Variants in MGRN1 observed in about 807,000 individuals in gnomAD.
MGRN1 encodes the protein E3 ubiquitin-protein ligase MGRN1.
Under a neutral mutation model 69.2 loss-of-function variants are expected in MGRN1, and 29 were observed. The ratio of observed to expected loss-of-function variants is 0.42; its 90% CI spans 0.31 to 0.57. MGRN1 has a LOEUF of 0.57. MGRN1 is among the 20% of genes least tolerant of loss of function. The pLI, the probability that MGRN1 is intolerant of heterozygous loss-of-function variation, is 0.15. For missense variants in MGRN1, 998 were observed against 796.2 expected (o/e 1.25, Z -3.05); for synonymous variants, 470 against 344.2 (o/e 1.37, Z -4.04).
At chr16:4,638,679 C>G (rs1255202134) in intron 1 of MGRN1, among the ~76,000 whole-genome samples, 1 of 152,220 alleles carries the variant, frequency 6.6e-6, no homozygotes, top group Admixed American at 6.5e-5. Flanking sequence ...TTGTGCAGGT[C>G]TGGCCCACCT....
At chr16:4,655,383 G>A (rs2078511341) in intron 4 of MGRN1, among the ~76,000 whole-genome samples, 2 of 152,230 alleles carry the variant, frequency 1.3e-5, no homozygotes, top group Admixed American at 6.5e-5. Context: ...GACCCCTGCG[G>A]GCTAGTGATG....
In MGRN1 at chr16:4,635,763, T is replaced by G. The variant is rs1454059112; in HGVS notation, c.88+10715T>G. Among the ~76,000 whole-genome samples the G allele has an allele frequency of 2.6e-5, 4 of 151,516 alleles. No homozygotes were observed. The East Asian group carries it at 7.8e-4, about 29-fold the overall frequency. On this transcript the variant is annotated intron_variant, in intron 1 of 16. Transcript: ENST00000262370. ...GACTCTCCCGCCAAAGCCTCCCGAG[T>G]AGCTGGGATTACAGGTGCCCACTAC...
In MGRN1 at chr16:4,665,083, GCC is replaced by G. The variant is rs2078771027; in HGVS notation, c.629-16_629-15del. 14 of 1,614,096 alleles carry G rather than the reference GCC, an allele frequency of 8.7e-6. No homozygotes were observed. The East Asian group carries it at 3.1e-4, about 36-fold the overall frequency. ...GGCAGGCCCCGACTCTGACTACTCT[GCC>G]CCTCTCTCCCCAGCAGTGGTGGAAG... On this transcript the variant is annotated splice_polypyrimidine_tract_variant and intron_variant, in intron 6 of 16. Transcript: ENST00000262370.
rs989499312 is a variant in MGRN1 at position 4,689,260 on chromosome 16, C to G, written c.*352C>G. 8.6e-6 allele frequency: 2 copies of G among 231,974 alleles called. No individual in the cohort carries two copies. Among genetic ancestry groups the G allele is most frequent in the South Asian group, 1.5e-4 (1 of 6,646 alleles). 14.4% of individuals were successfully genotyped at this position (231,974 alleles called of 1,614,324 possible). On this transcript the variant is annotated 3_prime_UTR_variant, in exon 17 of 17. Transcript: ENST00000262370. Reference sequence around the variant, plus strand: ...CTCCTGCAACAGTGCGGTCCCTGCCCGGAGAACTCAGGAGGCCTGCAGAAG... The same window carrying G: ...CTCCTGCAACAGTGCGGTCCCTGCCGGGAGAACTCAGGAGGCCTGCAGAAG...
At chr16:4,672,867 T>C (rs1050729810) in intron 9 of MGRN1, among the ~76,000 whole-genome samples, 1 of 152,252 alleles carries the variant, frequency 6.6e-6, no homozygotes, top group Non-Finnish European at 1.5e-5. Context: ...AGATGGAGTC[T>C]TGCTCTGTTG....
Position 4,664,545 on chromosome 16 carries a change from G to A in MGRN1, c.562-164G>A. ...GTTTTAACACACACATAAAAAAGGT[G>A]CCAAGCCTGGCATCCGCCTTCCCTG... On this transcript the variant is annotated intron_variant, in intron 5 of 16. Transcript: ENST00000262370. 4 of 670,280 alleles carry A rather than the reference G, an allele frequency of 6.0e-6. 1 individual carries two copies. The South Asian group carries it at 7.3e-5, about 12-fold the overall frequency. The allele number at this position is 670,280 out of a possible 1,614,324, so 41.5% of individuals were successfully genotyped here.
At chr16:4,632,358 G>A (rs1472775962) in intron 1 of MGRN1, among the ~76,000 whole-genome samples, 1 of 151,624 alleles carries the variant, frequency 6.6e-6, no homozygotes, top group African/African-American at 2.4e-5. Context: ...CAGCATACGA[G>A]TCACACTGAG....
At position 4,681,874 on chromosome 16, in the gene MGRN1, G is replaced by C. The variant is rs564653309; in HGVS notation, c.1358+98G>C. 369 of 1,235,690 alleles carry C rather than the reference G, an allele frequency of 3.0e-4. 1 individual carries two copies. The highest frequency in any genetic ancestry group is 2.8e-4 in the Non-Finnish European group (257 of 904,184). The allele number at this position is 1,235,690 out of a possible 1,614,324, so 76.5% of individuals were successfully genotyped here. On this transcript the variant is annotated intron_variant, in intron 13 of 16. Transcript: ENST00000262370. ...TTCAAATCAGTTTGTGATGTGTTCT[G>C]TGTGGCGATTCCCCAGAAGGACTCG...
At chr16:4,651,842 C>G in intron 2 of MGRN1, 121 bp from the exon 3 acceptor site, 2 of 859,722 alleles carry the variant, frequency 2.3e-6, no homozygotes, top group Non-Finnish European at 3.9e-6. Context: ...CAGTATAGCC[C>G]CTCCCATGGG....
In MGRN1 at chr16:4,682,806, C is replaced by G. The variant is rs538233282; in HGVS notation, c.1359-17C>G. 2.6e-6 allele frequency: 4 copies of G among 1,535,764 alleles called. No homozygotes were observed. The highest frequency in any genetic ancestry group is 1.8e-6 in the Non-Finnish European group (2 of 1,134,960). On this transcript the variant is annotated splice_polypyrimidine_tract_variant and intron_variant, in intron 13 of 16. Transcript: ENST00000262370. ...CGTTATCCTCTCACCCCTGCCCACC[C>G]TCTCCTCTGTCCCCAGCACCCTACG...
chr16:4,642,631 T>C (rs2078186373), intron 1 of MGRN1, among the ~76,000 whole-genome samples: 1 of 151,960 alleles, frequency 6.6e-6, no homozygotes, highest in Admixed American at 6.6e-5. Flanking sequence ...GCCCTAATTT[T>C]TGTATTTTTA....
chr16:4,644,798 C>G (rs1045710297), intron 1 of MGRN1, among the ~76,000 whole-genome samples: 1 of 152,118 alleles, frequency 6.6e-6, no homozygotes, highest in Non-Finnish European at 1.5e-5. Flanking sequence ...GTAAAATTCA[C>G]TTACCATGGG....
chr16:4,660,239 A>G (rs865975113), intron 5 of MGRN1, among the ~76,000 whole-genome samples: 1 of 152,218 alleles, frequency 6.6e-6, no homozygotes, highest in Admixed American at 6.5e-5. Context: ...CCAGTTCTGC[A>G]GCTCTGTGAG....
Position 4,680,122 on chromosome 16 carries a change from G to GT in MGRN1, c.1131+32dup, listed in dbSNP as rs754173932. On this transcript the variant is annotated intron_variant, in intron 12 of 16. Coordinates refer to ENST00000262370, the MANE Select transcript of MGRN1 (RefSeq NM_015246.4). Reference sequence around the variant, plus strand: ...AGTAAGTGTCTGGTCCTCCGGCTACGTTTTTTTGCCCCCGCCCTCATTTTT... The same window carrying GT: ...AGTAAGTGTCTGGTCCTCCGGCTACGTTTTTTTTGCCCCCGCCCTCATTTTT... The GT allele has an allele frequency of 6.8e-6, 11 of 1,610,684 alleles. No individual in the cohort carries two copies. In the African/African-American group the frequency reaches 8.0e-5, roughly 12 times the overall value.
chr16:4,642,340 C>T (rs2078177859), intron 1 of MGRN1, among the ~76,000 whole-genome samples: 1 of 151,906 alleles, frequency 6.6e-6, no homozygotes, highest in Non-Finnish European at 1.5e-5. Context: ...TTCTGTCACC[C>T]AGGCTGGAGT....
chr16:4,664,703 C>A lies in MGRN1; in HGVS notation c.562-6C>A, dbSNP rs772271583. ...TCCTGACCATTCTTGGCAACTCTCT[C>A]CTCAGCTGAACTTTGACCTGGACCG... is the stretch of plus-strand genomic sequence containing the variant. On this transcript the variant is annotated splice_region_variant and splice_polypyrimidine_tract_variant and intron_variant, in intron 5 of 16. Transcript: ENST00000262370. The A allele has an allele frequency of 6.2e-7, 1 of 1,614,186 alleles. No homozygotes were observed. The highest frequency in any genetic ancestry group is 1.3e-5 in the African/African-American group (1 of 75,050).
chr16:4,681,391 G>A (rs1396867371), intron 12 of MGRN1, 159 bp from the exon 13 acceptor site: 3 of 636,206 alleles, frequency 4.7e-6, no homozygotes, highest in African/African-American at 3.7e-5. Flanking sequence ...GCTGAGGCAG[G>A]GAGGGCATCG....
At chr16:4,660,694 A>G (rs1185840190) in intron 5 of MGRN1, among the ~76,000 whole-genome samples, 1 of 152,084 alleles carries the variant, frequency 6.6e-6, no homozygotes, top group Non-Finnish European at 1.5e-5. Context: ...CGAACTCCCC[A>G]TTTCCGGGCT....
intron 1 of MGRN1, among the ~76,000 whole-genome samples, chr16:4,630,743 C>A (rs936784718): frequency 2.0e-5 from 3 of 151,750 alleles, no homozygotes; most frequent in Admixed American, 6.6e-5. Flanking sequence ...CTGTGCCCGG[C>A]CTTTTCTAGA....
Sources: allele counts gnomAD v4.1 joint callset (sites outside exome capture counted in the v4.1 genomes callset), GRCh38; gene constraint gnomAD v4.1.1; transcripts MANE v1.5; gene names NCBI Gene and HGNC (gene_info 2026-07-23, HGNC 2026-07-21).